The following ADCY8 variants were observed in gnomAD, a reference collection of about 807,000 sequenced individuals.
ADCY8 encodes adenylate cyclase type 8.
Under a neutral mutation model 119.7 loss-of-function variants are expected in ADCY8, and 51 were observed. The ratio of observed to expected loss-of-function variants is 0.43; its 90% CI spans 0.34 to 0.54. The LOEUF is 0.54. Ranked by LOEUF, ADCY8 falls within the 20% of genes least tolerant of loss-of-function variation. ADCY8 has a pLI of 0.03. For synonymous variants in ADCY8, 665 were observed against 651.0 expected (o/e 1.02, Z -0.33); for missense variants, 1,383 against 1,598.8 (o/e 0.87, Z 2.30).
chr8:130,850,837 C>A (rs1355705042), intron 9 of ADCY8, among the ~76,000 whole-genome samples: 1 of 152,168 alleles, frequency 6.6e-6, no homozygotes, highest in Non-Finnish European at 1.5e-5. Context: ...TTATTAATAA[C>A]ACTAGTATAA....
intron 1 of ADCY8, among the ~76,000 whole-genome samples, chr8:131,006,995 T>C (rs192128892): frequency 1.5e-3 from 226 of 152,286 alleles, no homozygotes; most frequent in African/African-American, 5.1e-3. Context: ...AGGAAAAAGA[T>C]ATCATGTCCA....
chr8:130,822,527 AATCCATGAATCC>A (rs1358788263), intron 12 of ADCY8, among the ~76,000 whole-genome samples: 12 of 139,378 alleles, frequency 8.6e-5, no homozygotes, highest in Middle Eastern at 3.7e-3. Flanking sequence ...TGAATCCATG[AATCCATGAATCC>A]ATCCATCCAT....
At chr8:130,981,642 A>T (rs1387017819) in intron 2 of ADCY8, among the ~76,000 whole-genome samples, 1 of 152,210 alleles carries the variant, frequency 6.6e-6, no homozygotes, top group Non-Finnish European at 1.5e-5. Context: ...CTCAGTATGC[A>T]AATTATAATT....
At chr8:131,029,579 A>C (rs907527250) in intron 1 of ADCY8, among the ~76,000 whole-genome samples, 4 of 152,340 alleles carry the variant, frequency 2.6e-5, no homozygotes, top group Admixed American at 6.5e-5. Flanking sequence ...ATCCATTTAA[A>C]GTGTTTGATA....
intron 1 of ADCY8, among the ~76,000 whole-genome samples, chr8:131,030,451 TC>T (rs1414054315): frequency 3.9e-5 from 6 of 152,158 alleles, no homozygotes; most frequent in African/African-American, 1.4e-4. Context: ...CTAAAAGAAA[TC>T]CACTGCAGCT....
intron 6 of ADCY8, among the ~76,000 whole-genome samples, chr8:130,905,664 G>T (rs950441100): frequency 2.0e-5 from 3 of 152,126 alleles, no homozygotes; most frequent in East Asian, 3.9e-4. Context: ...TTTGAGACCA[G>T]CCTGGGCAAC....
At position 130,814,149 on chromosome 8, in the gene ADCY8, C is replaced by T; in HGVS notation, c.2833G>A (p.Glu945Lys). The T allele has an allele frequency of 6.2e-7, 1 of 1,614,102 alleles. No individual in the cohort carries two copies. The highest frequency in any genetic ancestry group is 8.5e-7 in the Non-Finnish European group (1 of 1,180,034). Residue 945 changes from glutamate (E) to lysine (K), a missense_variant, in exon 14 of 18, where the codon GAA becomes AAA. Transcript: ENST00000286355. The stretch of plus-strand genomic sequence containing the variant: ...TTCCGGAGCATGTTCTCATTGTGTT[C>T]CCTCAGCTCCTTCATCTCATTGATC... ...EEINEMKELR[E>K]HNENMLRNIL...
chr8:130,829,949 C>T (rs907081755), intron 12 of ADCY8, among the ~76,000 whole-genome samples: 1 of 152,156 alleles, frequency 6.6e-6, no homozygotes, highest in Non-Finnish European at 1.5e-5. Context: ...TGCCTTTCTT[C>T]CAAGGACCCT....
chr8:130,902,523 C>A (rs577784330), intron 7 of ADCY8, among the ~76,000 whole-genome samples: 1 of 152,336 alleles, frequency 6.6e-6, no homozygotes, highest in East Asian at 1.9e-4. Flanking sequence ...CCAGTGGAAT[C>A]TGGCCCATGC....
intron 2 of ADCY8, among the ~76,000 whole-genome samples, chr8:130,975,533 G>A (rs78881432): frequency 0.012 from 1,832 of 152,294 alleles, 46 homozygotes; most frequent in African/African-American, 0.042. Flanking sequence ...AGTGACACGG[G>A]GGATGGGGAA....
intron 1 of ADCY8, among the ~76,000 whole-genome samples, chr8:131,008,456 C>G (rs940868418): frequency 2.0e-5 from 3 of 152,154 alleles, no homozygotes; most frequent in African/African-American, 4.8e-5. Flanking sequence ...CACTCATTCT[C>G]TCTTCTGCTG....
intron 13 of ADCY8, among the ~76,000 whole-genome samples, chr8:130,816,005 T>C (rs1299804568): frequency 6.6e-6 from 1 of 152,196 alleles, no homozygotes. Context: ...ATTATTTCAG[T>C]CTTTAACTGT....
In ADCY8 at chr8:130,817,206, T is replaced by C. The variant is rs560157691; in HGVS notation, c.2755-2979A>G. 1.6e-4 allele frequency among the ~76,000 whole-genome samples: 24 copies of C among 152,280 alleles called. 1 individual carries two copies. In the South Asian group the frequency reaches 5.0e-3, roughly 32 times the overall value. On this transcript the variant is annotated intron_variant, in intron 13 of 17. Transcript: ENST00000286355. ...TGTTGGTGTCATTAAAACTGGAATT[T>C]TGGGGAAGAGAAAAAGGAGCTGCAG...
At chr8:130,979,674 C>T (rs549006692) in intron 2 of ADCY8, among the ~76,000 whole-genome samples, 4 of 152,136 alleles carry the variant, frequency 2.6e-5, no homozygotes, top group Non-Finnish European at 5.9e-5. Context: ...TGTTATTTAG[C>T]CTCTATGTTT....
chr8:130,922,211 T>C (rs1015876107), intron 5 of ADCY8, among the ~76,000 whole-genome samples: 1 of 150,314 alleles, frequency 6.7e-6, no homozygotes, highest in African/African-American at 2.4e-5. Context: ...TCCCTTTCTT[T>C]TTTTTTTTTT....
chr8:130,800,681 G>A (rs73715587), intron 14 of ADCY8, 109 bp from the exon 15 acceptor site: 165,634 of 1,239,246 alleles, frequency 0.13, 12,891 homozygotes, highest in African/African-American at 0.32. Context: ...CACCCACAGA[G>A]AGACAGAAAA....
intron 5 of ADCY8, among the ~76,000 whole-genome samples, chr8:130,921,917 T>TG (rs1820320959): frequency 6.6e-6 from 1 of 151,898 alleles, no homozygotes; most frequent in South Asian, 2.1e-4. Context: ...TTTTAAGAGG[T>TG]GATTGGATCA....
chr8:130,857,818 A>AT (rs1455910003), intron 9 of ADCY8, among the ~76,000 whole-genome samples: 1 of 152,170 alleles, frequency 6.6e-6, no homozygotes, highest in Non-Finnish European at 1.5e-5. Flanking sequence ...CTCACTTACT[A>AT]TTTAGTGATC....
chr8:130,855,636 C>A (rs533341955), intron 9 of ADCY8, among the ~76,000 whole-genome samples: 1 of 151,564 alleles, frequency 6.6e-6, no homozygotes, highest in Non-Finnish European at 1.5e-5. Flanking sequence ...GTGTGAGGCT[C>A]GCTTCTCGTG....
Sources: gnomAD v4.1 joint callset for allele counts (sites outside exome capture counted in the v4.1 genomes callset) on GRCh38, gnomAD v4.1.1 for gene constraint, MANE v1.5 for transcripts, NCBI Gene and HGNC (gene_info 2026-07-23, HGNC 2026-07-21) for gene names.